CDH13: variants seen among roughly 807,000 people sequenced by gnomAD.
CDH13 encodes cadherin-13.
Under a neutral mutation model 63.8 loss-of-function variants are expected in CDH13, and 24 were observed. The ratio of observed to expected loss-of-function variants is 0.38; its 90% confidence interval spans 0.27 to 0.53. The LOEUF (loss-of-function observed/expected upper bound fraction) is 0.53, where lower values mean the gene tolerates loss of function less well. Ranked by LOEUF, CDH13 falls within the 20% of genes least tolerant of loss-of-function variation. The pLI, the probability that CDH13 is intolerant of heterozygous loss-of-function variation, is 0.85. For synonymous variants in CDH13, 503 were observed against 355.3 expected (o/e 1.42, Z -4.67); for missense variants, 1,049 against 903.1 (o/e 1.16, Z -2.07).
intron 6 of CDH13, among the ~76,000 whole-genome samples, chr16:83,454,470 T>G (rs575151888): frequency 4.2e-4 from 64 of 152,352 alleles, no homozygotes; most frequent in African/African-American, 1.3e-3. Context: ...CTGTGTCCAC[T>G]TGCTTCCTAT....
intron 1 of CDH13, among the ~76,000 whole-genome samples, chr16:82,770,744 G>T (rs1336528713): frequency 6.6e-6 from 1 of 152,118 alleles, no homozygotes; most frequent in African/African-American, 2.4e-5. Flanking sequence ...GTCTCAGTCT[G>T]TTGCCCAAGC....
intron 2 of CDH13, among the ~76,000 whole-genome samples, chr16:82,885,119 C>T (rs2040837810): frequency 6.6e-6 from 1 of 152,166 alleles, no homozygotes; most frequent in African/African-American, 2.4e-5. Context: ...TAGAACCCAA[C>T]TGCACTTTTG....
chr16:83,092,764 C>T (rs191241411), intron 3 of CDH13, among the ~76,000 whole-genome samples: 7 of 152,264 alleles, frequency 4.6e-5, no homozygotes, highest in African/African-American at 1.2e-4. Context: ...AGTAGGAAGC[C>T]GATCTTATCT....
intron 6 of CDH13, among the ~76,000 whole-genome samples, chr16:83,354,518 C>T (rs564466801): frequency 6.6e-6 from 1 of 152,184 alleles, no homozygotes; most frequent in East Asian, 1.9e-4. Flanking sequence ...AAGGTGCCAA[C>T]AGAAATGGAT....
chr16:82,766,517 G>T (rs2035057643), intron 1 of CDH13, among the ~76,000 whole-genome samples: 1 of 152,170 alleles, frequency 6.6e-6, no homozygotes, highest in Non-Finnish European at 1.5e-5. Flanking sequence ...CTTTCTGCCT[G>T]GTTAGCTTGG....
intron 4 of CDH13, among the ~76,000 whole-genome samples, chr16:83,170,281 C>T (rs1277528174): frequency 1.3e-5 from 2 of 152,022 alleles, no homozygotes; most frequent in African/African-American, 4.8e-5. Context: ...AAAATGTGAT[C>T]ATTTTCTCAG....
chr16:83,549,444 G>A (rs1415638943), intron 7 of CDH13, among the ~76,000 whole-genome samples: 1 of 152,192 alleles, frequency 6.6e-6, no homozygotes, highest in Non-Finnish European at 1.5e-5. Context: ...AGGGGAACGT[G>A]GTAGAGGGAT....
At chr16:83,226,267 T>G (rs2039835354) in intron 5 of CDH13, among the ~76,000 whole-genome samples, 1 of 152,194 alleles carries the variant, frequency 6.6e-6, no homozygotes, top group African/African-American at 2.4e-5. Context: ...TAAACGACCT[T>G]GTGGAGGCAG....
intron 3 of CDH13, among the ~76,000 whole-genome samples, chr16:83,113,405 A>G (rs746274230): frequency 1.6e-4 from 25 of 152,196 alleles, no homozygotes; most frequent in Non-Finnish European, 3.2e-4. Context: ...TCTTACAATA[A>G]CTCTATATTT....
chr16:83,087,697 A>AAAAAAAAAAAAAAAAAAAC (rs1567817140), intron 3 of CDH13, among the ~76,000 whole-genome samples: 9 of 144,388 alleles, frequency 6.2e-5, no homozygotes, highest in African/African-American at 1.9e-4. Flanking sequence ...AAAAAAAAAA[A>AAAAAAAAAAAAAAAAAAAC]GCCTAGCACC....
chr16:83,745,169 G>A (rs433138), intron 10 of CDH13, among the ~76,000 whole-genome samples: 141,944 of 152,178 alleles, frequency 0.93, 66,700 homozygotes, highest in Non-Finnish European at 1. Flanking sequence ...CTGCAGCTGT[G>A]TTACTATTAA....
At chr16:82,802,281 T>G (rs1381499) in intron 1 of CDH13, among the ~76,000 whole-genome samples, 78,455 of 151,952 alleles carry the variant, frequency 0.52, 22,111 homozygotes, top group South Asian at 0.7. Context: ...GTGCTCACAG[T>G]ATGTAGCGGG....
At chr16:83,417,695 G>A (rs1306891674) in intron 6 of CDH13, among the ~76,000 whole-genome samples, 2 of 152,150 alleles carry the variant, frequency 1.3e-5, no homozygotes, top group Non-Finnish European at 2.9e-5. Flanking sequence ...TAGAACAGAG[G>A]CTCCTCTTAC....
chr16:82,850,287 T>A (rs1163908709), intron 1 of CDH13, among the ~76,000 whole-genome samples: 1 of 152,192 alleles, frequency 6.6e-6, no homozygotes, highest in African/African-American at 2.4e-5. Context: ...TCAATCCTCA[T>A]GGATGATTTT....
intron 1 of CDH13, among the ~76,000 whole-genome samples, chr16:82,738,379 G>A (rs2033780760): frequency 1.3e-5 from 2 of 152,166 alleles, no homozygotes; most frequent in African/African-American, 4.8e-5. Context: ...AATGTGGAAA[G>A]CCCATCCCAA....
chr16:83,585,762 C>T (rs62040194), intron 7 of CDH13, among the ~76,000 whole-genome samples: 3,549 of 152,088 alleles, frequency 0.023, 68 homozygotes, highest in Middle Eastern at 0.13. Flanking sequence ...TTCTCCCAGC[C>T]CAACCCATAC....
At chr16:83,249,590 C>A (rs927211519) in intron 5 of CDH13, among the ~76,000 whole-genome samples, 1 of 152,190 alleles carries the variant, frequency 6.6e-6, no homozygotes, top group Non-Finnish European at 1.5e-5. Flanking sequence ...GGCAAATGGG[C>A]ACTCAGAGAG....
intron 2 of CDH13, among the ~76,000 whole-genome samples, chr16:82,947,047 T>A (rs1031046674): frequency 2.4e-5 from 3 of 125,034 alleles, no homozygotes; most frequent in Middle Eastern, 3.9e-3. Context: ...TGTGTGTGTG[T>A]GATGTTGTAA....
intron 3 of CDH13, among the ~76,000 whole-genome samples, chr16:83,082,439 A>T (rs539660157): frequency 1.1e-4 from 17 of 152,242 alleles, no homozygotes; most frequent in Non-Finnish European, 1.5e-4. Flanking sequence ...AGCCTGGCCA[A>T]CATGGTGAAA....
Sources: allele counts gnomAD v4.1 joint callset (sites outside exome capture counted in the v4.1 genomes callset), GRCh38; gene constraint gnomAD v4.1.1; transcripts MANE v1.5; gene names NCBI Gene and HGNC (gene_info 2026-07-23, HGNC 2026-07-21).